The following TCF7L2 variants were observed in gnomAD, a reference collection of about 807,000 sequenced individuals.
TCF7L2 encodes the protein transcription factor 7 like 2.
TCF7L2 carries 23 observed loss-of-function variants against 77.9 expected under a neutral mutation model. The ratio of observed to expected loss-of-function variants is 0.30; its 90% CI spans 0.21 to 0.42. The LOEUF (loss-of-function observed/expected upper bound fraction) is 0.42, where lower values mean the gene tolerates loss of function less well. Ranked by LOEUF, TCF7L2 falls within the 10% of genes least tolerant of loss-of-function variation. TCF7L2 has a pLI of 1.00. For synonymous variants in TCF7L2, 413 were observed against 340.2 expected (o/e 1.21, Z -2.36); for missense variants, 654 against 793.1 (o/e 0.82, Z 2.11).
At chr10:113,083,729 T>C (rs2059552281) in intron 5 of TCF7L2, among the ~76,000 whole-genome samples, 1 of 152,242 alleles carries the variant, frequency 6.6e-6, no homozygotes, top group Admixed American at 6.5e-5. Context: ...ATGAGGATGT[T>C]ACCTTCTCAC....
chr10:113,036,405 T>C (rs377086089), intron 4 of TCF7L2, among the ~76,000 whole-genome samples: 21 of 152,198 alleles, frequency 1.4e-4, no homozygotes, highest in African/African-American at 4.1e-4. Context: ...CCTGTTTTCA[T>C]TGGGGGAGGT....
rs1242715082 is a variant in TCF7L2, at chr10:113,165,838, C to T, written c.1675C>T (p.Pro559Ser). Residue 559 changes from proline to serine, a missense_variant, in exon 14 of 14, where the codon CCC becomes TCC. By Grantham distance (74) the Pro-to-Ser change is moderately conservative (BLOSUM62 -1). This residue lies in a region of TCF7L2 where 272 missense variants were observed against 215.4 expected (regional missense o/e 1.26). Coordinates refer to ENST00000627217, the MANE Select transcript of TCF7L2 (RefSeq NM_001146274.2). ...CTGTCCCAACGGGGCCCTGGACCTG[C>T]CCCCAGCCGCTTTGCAGCCTGCCGC... is the stretch of plus-strand genomic sequence containing the variant. The T allele has an allele frequency of 2.5e-6, 4 of 1,606,356 alleles. No homozygotes were observed. Among genetic ancestry groups the T allele is most frequent in the Non-Finnish European group, 3.4e-6 (4 of 1,175,510 alleles).
chr10:113,049,457 TC>T lies in TCF7L2; in HGVS notation c.552+9333del, dbSNP rs562665717. 5.3e-5 allele frequency among the ~76,000 whole-genome samples: 8 copies of T among 152,142 alleles called. No homozygotes were observed. In the South Asian group the frequency reaches 1.7e-3, roughly 32 times the overall value. ...AGCCCATCCCACAGGCCCAAGTGTG[TC>T]CTCTCTACCTTCAAAGCGTGTGTGG... On this transcript the variant is annotated intron_variant, in intron 5 of 13. Coordinates refer to ENST00000627217, the MANE Select transcript of TCF7L2 (RefSeq NM_001146274.2).
Position 113,165,797 on chromosome 10 carries a change from A to G in TCF7L2, c.1634A>G (p.His545Arg), listed in dbSNP as rs773296137. 2 of 1,604,230 alleles carry G rather than the reference A, an allele frequency of 1.2e-6. No homozygotes were observed. The highest frequency in any genetic ancestry group is 3.4e-5 in the Admixed American group (2 of 59,132). Residue 545 changes from histidine (H) to arginine (R), a missense_variant, in exon 14 of 14, where the codon CAC becomes CGC. Physicochemically the swap from His to Arg is conservative, Grantham distance 29. Coordinates refer to ENST00000627217, the MANE Select transcript of TCF7L2 (RefSeq NM_001146274.2). Reference sequence around the variant, plus strand: ...GCCCTCCTGCTCGCTGAGGCCACCCACAAGGCCTCCGCCCTCTGTCCCAAC... The same window carrying G: ...GCCCTCCTGCTCGCTGAGGCCACCCGCAAGGCCTCCGCCCTCTGTCCCAAC...
chr10:112,951,025 G>C, intron 1 of TCF7L2, 80 bp downstream of exon 1: 5 of 1,507,106 alleles, frequency 3.3e-6, no homozygotes, highest in Admixed American at 4.8e-5. Flanking sequence ...GGGAGAAATC[G>C]GGGCTGGGGG....
intron 4 of TCF7L2, among the ~76,000 whole-genome samples, chr10:113,034,645 C>G (rs1051849405): frequency 2.6e-5 from 4 of 152,140 alleles, no homozygotes; most frequent in African/African-American, 7.2e-5. Flanking sequence ...CCTGTAATCC[C>G]AGCACTTTGG....
chr10:113,090,438 T>C (rs1367638914), intron 5 of TCF7L2, among the ~76,000 whole-genome samples: 1 of 152,240 alleles, frequency 6.6e-6, no homozygotes, highest in Non-Finnish European at 1.5e-5. Flanking sequence ...GGCAGAGACC[T>C]GGAGTAATAC....
intron 4 of TCF7L2, among the ~76,000 whole-genome samples, chr10:112,996,618 C>G (rs2043533254): frequency 1.3e-5 from 2 of 152,186 alleles, no homozygotes; most frequent in Admixed American, 1.3e-4. Flanking sequence ...ACTACCTTCT[C>G]TCTCCTAAGC....
At chr10:113,055,920 A>G (rs2055294672) in intron 5 of TCF7L2, among the ~76,000 whole-genome samples, 1 of 152,224 alleles carries the variant, frequency 6.6e-6, no homozygotes, top group Non-Finnish European at 1.5e-5. Flanking sequence ...ATTGAAGGAA[A>G]TTAGGTTTTT....
chr10:113,005,059 G>C (rs1215124522), intron 4 of TCF7L2, among the ~76,000 whole-genome samples: 2 of 152,324 alleles, frequency 1.3e-5, no homozygotes, highest in South Asian at 4.1e-4. Flanking sequence ...TTCAGGGGAA[G>C]GGGGAGGCTT....
intron 5 of TCF7L2, among the ~76,000 whole-genome samples, chr10:113,051,232 C>G (rs2054395210): frequency 6.7e-6 from 1 of 148,780 alleles, no homozygotes. Context: ...CACACACACA[C>G]ACACACACAC....
At position 113,107,244 on chromosome 10, in the gene TCF7L2, G is replaced by A. The variant is rs944677172; in HGVS notation, c.553-33940G>A. On this transcript the variant is annotated intron_variant, in intron 5 of 13. Transcript: ENST00000627217. The stretch of plus-strand genomic sequence containing the variant: ...ATGTTTAGTATGACTAATCCAGCTC[G>A]GCTGGGTACTGGGTGGGTGGGTGGC... Among the ~76,000 whole-genome samples the A allele has an allele frequency of 3.3e-5, 5 of 152,136 alleles. No individual in the cohort carries two copies. In the East Asian group the frequency reaches 5.8e-4, roughly 18 times the overall value.
At chr10:113,078,021 C>T (rs2058909073) in intron 5 of TCF7L2, among the ~76,000 whole-genome samples, 1 of 151,744 alleles carries the variant, frequency 6.6e-6, no homozygotes, top group Admixed American at 6.6e-5. Flanking sequence ...CAGGCATGAG[C>T]CACTGTGCCT....
rs61872783 is a variant in TCF7L2, at chr10:113,034,620, C to T, written c.451-5405C>T. Among the ~76,000 whole-genome samples, 679 of 152,238 alleles carry T rather than the reference C, an allele frequency of 4.5e-3. 1 individual carries two copies. Among genetic ancestry groups the T allele is most frequent in the Non-Finnish European group, 6.6e-3 (450 of 68,006 alleles). On this transcript the variant is annotated intron_variant, in intron 4 of 13. Coordinates refer to ENST00000627217, the MANE Select transcript of TCF7L2 (RefSeq NM_001146274.2). ...AACCAATTAATTCGATTTTTTTGGT[C>T]AGACATGGCTCCCACCTGTAATCCC...
At chr10:112,984,334 A>G (rs1168129922) in intron 4 of TCF7L2, among the ~76,000 whole-genome samples, 1 of 152,014 alleles carries the variant, frequency 6.6e-6, no homozygotes, top group Non-Finnish European at 1.5e-5. Context: ...GGCATTTGCC[A>G]GAACTCTATA....
intron 5 of TCF7L2, among the ~76,000 whole-genome samples, chr10:113,069,635 G>A (rs924788685): frequency 2.6e-5 from 4 of 152,136 alleles, no homozygotes; most frequent in Middle Eastern, 3.2e-3. Flanking sequence ...ATTTAGAAAT[G>A]GAATTGGGAA....
intron 5 of TCF7L2, among the ~76,000 whole-genome samples, chr10:113,057,198 T>C (rs115237261): frequency 0.013 from 1,979 of 152,306 alleles, 45 homozygotes; most frequent in African/African-American, 0.045. Flanking sequence ...AAACACATAC[T>C]TGGTGATTAC....
At chr10:113,136,334 G>A (rs368714847) in intron 5 of TCF7L2, among the ~76,000 whole-genome samples, 172 of 152,234 alleles carry the variant, frequency 1.1e-3, no homozygotes, top group African/African-American at 3.9e-3. Context: ...CCTTCATTTC[G>A]TCTAGAAAAG....
intron 3 of TCF7L2, among the ~76,000 whole-genome samples, chr10:112,952,375 C>T (rs917274476): frequency 1.3e-5 from 2 of 152,094 alleles, no homozygotes; most frequent in African/African-American, 4.8e-5. Context: ...CGCGAGCGCC[C>T]TGGGCGCCGT....
Sources: gnomAD v4.1 joint callset for allele counts (sites outside exome capture counted in the v4.1 genomes callset) on GRCh38, gnomAD v4.1.1 for gene constraint, gnomAD v4.1.1 regional missense constraint, MANE v1.5 for transcripts, NCBI Gene and HGNC (gene_info 2026-07-23, HGNC 2026-07-21) for gene names.